Variants in CCDC106 observed in about 807,000 individuals in gnomAD.
CCDC106 encodes the protein coiled-coil domain containing 106, also known as coiled-coil domain-containing protein 106.
Under a neutral mutation model 24.7 loss-of-function variants are expected in CCDC106, and 17 were observed. The ratio of observed to expected loss-of-function variants is 0.69; its 90% CI spans 0.47 to 1.03. CCDC106 has a LOEUF of 1.03. CCDC106 is among the 50% of genes least tolerant of loss of function. The pLI is 0.00. For missense variants in CCDC106, 337 were observed against 388.9 expected, an observed-to-expected ratio of 0.87 and a Z score of 1.12; for synonymous variants, 211 against 161.3, an observed-to-expected ratio of 1.31 and a Z score of -2.34.
intron 3 of CCDC106, among the ~76,000 whole-genome samples, chr19:55,650,652 C>T (rs1330766750): frequency 6.6e-6 from 1 of 152,230 alleles, no homozygotes; most frequent in Non-Finnish European, 1.5e-5. Context: ...TCTGGCTGCC[C>T]TTGGGCCTGC....
rs1983333097 is a variant in CCDC106, at chr19:55,652,107, A to G, written c.527-323A>G. The stretch of plus-strand genomic sequence containing the variant: ...AGACTTGAATAAGTGAATTCACCTG[A>G]GGCAGGGAGACGAGGGTGATGGCTC... On this transcript the variant is annotated intron_variant, in intron 4 of 4. Coordinates refer to ENST00000586790, the MANE Select transcript of CCDC106 (RefSeq NM_001370470.1). The surrounding 1 kb of genome is among the most constrained non-coding windows in gnomAD (Gnocchi z 5.9). 6.6e-6 allele frequency among the ~76,000 whole-genome samples: 1 copy of G among 151,914 alleles called. No individual in the cohort carries two copies. The highest frequency in any genetic ancestry group is 2.1e-4 in the South Asian group (1 of 4,802).
intron 3 of CCDC106, 142 bp from the exon 4 acceptor site, chr19:55,651,141 C>T (rs1983230941): frequency 2.9e-6 from 2 of 691,856 alleles, no homozygotes; most frequent in South Asian, 1.6e-5. Flanking sequence ...AGCGTCTCTA[C>T]CGTACTCCTT....
chr19:55,649,005 C>T lies in CCDC106; in HGVS notation c.-42C>T, dbSNP rs1027612478. The T allele has an allele frequency of 4.4e-6, 7 of 1,606,710 alleles. No homozygotes were observed. The highest frequency in any genetic ancestry group is 2.7e-5 in the African/African-American group (2 of 74,770). ...TGTGGCTGCCGTTTCTGTCCAGTGCCCCTGAGGCCCTCGGCTGCTGGGGTC... is the reference window on the plus strand; with the variant it reads ...TGTGGCTGCCGTTTCTGTCCAGTGCTCCTGAGGCCCTCGGCTGCTGGGGTC... On this transcript the variant is annotated 5_prime_UTR_variant, in exon 1 of 5. Coordinates refer to ENST00000586790, the MANE Select transcript of CCDC106 (RefSeq NM_001370470.1).
Position 55,649,224 on chromosome 19 carries a change from C to T in CCDC106, c.51C>T (p.Phe17=), listed in dbSNP as rs1289851834. Residue 17 remains phenylalanine (F), a synonymous_variant, in exon 2 of 5, where the codon TTC becomes TTT. Transcript: ENST00000586790. The part of the protein sequence containing the change: ...RRRTMKDDET[F]EISIPFDEAP... Reference sequence around the variant, plus strand: ...CTCCAGTGAAGGACGATGAGACCTTCGAGATCTCCATTCCCTTCGATGAGG... The same window carrying T: ...CTCCAGTGAAGGACGATGAGACCTTTGAGATCTCCATTCCCTTCGATGAGG... 3.1e-6 allele frequency: 5 copies of T among 1,613,854 alleles called. No homozygotes were observed. The highest frequency in any genetic ancestry group is 2.7e-5 in the African/African-American group (2 of 74,918).
Position 55,649,013 on chromosome 19 carries a change from C to A in CCDC106, c.-34C>A. The A allele has an allele frequency of 6.2e-7, 1 of 1,610,692 alleles. No individual in the cohort carries two copies. On this transcript the variant is annotated 5_prime_UTR_variant, in exon 1 of 5. Transcript: ENST00000586790. Reference sequence around the variant, plus strand: ...CCGTTTCTGTCCAGTGCCCCTGAGGCCCTCGGCTGCTGGGGTCCGTAGGAA... The same window carrying A: ...CCGTTTCTGTCCAGTGCCCCTGAGGACCTCGGCTGCTGGGGTCCGTAGGAA...
rs748274890 is a variant in CCDC106 at position 55,652,635 on chromosome 19, C to T, written c.732C>T (p.Leu244=). The change falls in exon 5 of 5, where the codon CTC becomes CTT. Residue 244 remains leucine, a synonymous_variant. Transcript: ENST00000586790. The surrounding 1 kb of genome is among the most constrained non-coding windows in gnomAD (Gnocchi z 5.9). ...TCGACCCCTCCAAGGAGCGCCTGCTCGAGTACTCCCGCCGCTGCTTTCTGG... is the reference window on the plus strand; with the variant it reads ...TCGACCCCTCCAAGGAGCGCCTGCTTGAGTACTCCCGCCGCTGCTTTCTGG... ...GEFDPSKERL[L]EYSRRCFLAL... is the part of the protein sequence containing the mutation. 27 of 1,612,790 alleles carry T rather than the reference C, an allele frequency of 1.7e-5. No individual in the cohort carries two copies. Among genetic ancestry groups the T allele is most frequent in the South Asian group, 2.2e-5 (2 of 91,066 alleles).
intron 3 of CCDC106, among the ~76,000 whole-genome samples, chr19:55,650,478 T>C (rs1400675510): frequency 6.6e-6 from 1 of 152,140 alleles, no homozygotes; most frequent in Non-Finnish European, 1.5e-5. Context: ...CCTTGCTAGC[T>C]CCTTGGCTGG....
Position 55,649,755 on chromosome 19 carries a change from G to T in CCDC106, c.313+171G>T, listed in dbSNP as rs115394234. ...CCCAGGCCCAGCTGCCTCCTCACTT[G>T]ATTCCAGGGCCTCATCCCCATGAAC... On this transcript the variant is annotated intron_variant, in intron 3 of 4. Transcript: ENST00000586790. The T allele has an allele frequency of 3.4e-4, 212 of 621,464 alleles. 2 individuals are homozygous for T. The highest frequency in any genetic ancestry group is 5.8e-4 in the Non-Finnish European group (204 of 354,378). 38.5% of individuals were successfully genotyped at this position (621,464 alleles called of 1,614,324 possible). A position where few individuals can be genotyped will look rare whatever the true frequency, so the allele number is the denominator to read the frequency against.
chr19:55,648,787 C>A lies in CCDC106; in HGVS notation c.-260C>A. On this transcript the variant is annotated 5_prime_UTR_variant, in exon 1 of 5. Coordinates refer to ENST00000586790, the MANE Select transcript of CCDC106 (RefSeq NM_001370470.1). ...CCACGTCCCCAGCTCACTTCTCCCC[C>A]AGGACCTAGGCGGCTGGGCCCCCTG... 1 of 574,410 alleles carries A rather than the reference C, an allele frequency of 1.7e-6. No homozygotes were observed. 35.6% of individuals were successfully genotyped at this position (574,410 alleles called of 1,614,324 possible).
chr19:55,651,261 G>C lies in CCDC106; in HGVS notation c.314-22G>C, dbSNP rs534270066. Reference sequence around the variant, plus strand: ...TGGGATGTCTGGTCCCTTGGTTCATGTGTGTGTCTCCATCTCCCCAGAGGA... The same window carrying C: ...TGGGATGTCTGGTCCCTTGGTTCATCTGTGTGTCTCCATCTCCCCAGAGGA... On this transcript the variant is annotated intron_variant, in intron 3 of 4. Transcript: ENST00000586790. 9 of 1,567,660 alleles carry C rather than the reference G, an allele frequency of 5.7e-6. No individual in the cohort carries two copies. In the African/African-American group the frequency reaches 6.7e-5, roughly 12 times the overall value.
Position 55,652,408 on chromosome 19 carries a change from T to C in CCDC106, c.527-22T>C. The C allele has an allele frequency of 6.4e-7, 1 of 1,569,428 alleles. No homozygotes were observed. The highest frequency in any genetic ancestry group is 8.7e-7 in the Non-Finnish European group (1 of 1,153,496). ...TCTTGTGCCCTGCCCCTCACTTTCG[T>C]GTCCCCGCCTCCACCCCTCAGTGAA... On this transcript the variant is annotated intron_variant, in intron 4 of 4. Transcript: ENST00000586790. This position sits in a 1 kb window ranked among gnomAD's most constrained non-coding sequence, Gnocchi z 5.9.
rs568364976 is a variant in CCDC106, at chr19:55,651,242, G to A, written c.314-41G>A. 10 of 1,458,468 alleles carry A rather than the reference G, an allele frequency of 6.9e-6. No homozygotes were observed. In the African/African-American group the frequency reaches 1.1e-4, roughly 16 times the overall value. 90.3% of individuals were successfully genotyped at this position (1,458,468 alleles called of 1,614,324 possible). A position where few individuals can be genotyped will look rare whatever the true frequency, so the allele number is the denominator to read the frequency against. On this transcript the variant is annotated intron_variant, in intron 3 of 4. Transcript: ENST00000586790. Reference sequence around the variant, plus strand: ...TCAGTCCCGGGACCTGTGATGGGATGTCTGGTCCCTTGGTTCATGTGTGTG... The same window carrying A: ...TCAGTCCCGGGACCTGTGATGGGATATCTGGTCCCTTGGTTCATGTGTGTG...
intron 3 of CCDC106, 58 bp from the exon 4 acceptor site, chr19:55,651,225 G>C: frequency 1.5e-6 from 2 of 1,338,758 alleles, no homozygotes; most frequent in South Asian, 2.3e-5. Context: ...TCTCAGTCCC[G>C]GGACCTGTGA....
intron 4 of CCDC106, 69 bp downstream of exon 4, chr19:55,651,564 G>A (rs1983279832): frequency 2.7e-6 from 3 of 1,125,378 alleles, no homozygotes; most frequent in Middle Eastern, 3.0e-4. Context: ...CCTTCCCAGA[G>A]GTCCCCCTTT....
chr19:55,651,216 C>G, intron 3 of CCDC106, 67 bp from the exon 4 acceptor site: 1 of 1,246,762 alleles, frequency 8.0e-7, no homozygotes, highest in East Asian at 2.3e-5. Context: ...TGCAGCCTCT[C>G]TCAGTCCCGG....
In CCDC106 at chr19:55,652,829, C is replaced by G. The variant is rs1983420432; in HGVS notation, c.*83C>G. On this transcript the variant is annotated 3_prime_UTR_variant, in exon 5 of 5. Transcript: ENST00000586790. This position sits in a 1 kb window ranked among gnomAD's most constrained non-coding sequence, Gnocchi z 5.9. ...TGACCTGCCCCTCTCCCCGCCGCGC[C>G]CCTGCCCCTCCTCCTCGCTCCCTGG... is the stretch of plus-strand genomic sequence containing the variant. The G allele has an allele frequency of 2.0e-5, 24 of 1,199,196 alleles. No individual in the cohort carries two copies. The highest frequency in any genetic ancestry group is 2.0e-5 in the Non-Finnish European group (17 of 861,700). 74.3% of individuals were successfully genotyped at this position (1,199,196 alleles called of 1,614,324 possible). A position where few individuals can be genotyped will look rare whatever the true frequency, so the allele number is the denominator to read the frequency against.
chr19:55,649,611 T>C (rs770687512), intron 3 of CCDC106, 27 bp downstream of exon 3: 2 of 1,602,078 alleles, frequency 1.2e-6, no homozygotes, highest in Admixed American at 1.7e-5. Flanking sequence ...CTGATCCACA[T>C]GCCTCCCTGT....
Position 55,652,929 on chromosome 19 carries a change from A to T in CCDC106, c.*183A>T, listed in dbSNP as rs1363702512. 5 of 577,896 alleles carry T rather than the reference A, an allele frequency of 8.7e-6. No individual in the cohort carries two copies. The highest frequency in any genetic ancestry group is 1.5e-5 in the Non-Finnish European group (5 of 329,936). The allele number at this position is 577,896 out of a possible 1,614,324, so 35.8% of individuals were successfully genotyped here. On this transcript the variant is annotated 3_prime_UTR_variant, in exon 5 of 5. Coordinates refer to ENST00000586790, the MANE Select transcript of CCDC106 (RefSeq NM_001370470.1). This position sits in a 1 kb window ranked among gnomAD's most constrained non-coding sequence, Gnocchi z 5.9. Reference sequence around the variant, plus strand: ...CCGCGGCCCCTTCCCGAACGCCGGCACCCCCTTCCGCTTGGGCTGCCCAGC... The same window carrying T: ...CCGCGGCCCCTTCCCGAACGCCGGCTCCCCCTTCCGCTTGGGCTGCCCAGC...
At position 55,652,608 on chromosome 19, in the gene CCDC106, G is replaced by T. The variant is rs994175857; in HGVS notation, c.705G>T (p.Glu235Asp). 6.2e-7 allele frequency: 1 copy of T among 1,613,054 alleles called. No individual in the cohort carries two copies. Among genetic ancestry groups the T allele is most frequent in the Non-Finnish European group, 8.5e-7 (1 of 1,179,890 alleles). ...VAPEKLAEVG[E>D]FDPSKERLLE... Reference sequence around the variant, plus strand: ...CCGAGAAGCTGGCCGAGGTGGGCGAGTTCGACCCCTCCAAGGAGCGCCTGC... The same window carrying T: ...CCGAGAAGCTGGCCGAGGTGGGCGATTTCGACCCCTCCAAGGAGCGCCTGC... Residue 235 changes from glutamate (E) to aspartate (D), a missense_variant, in exon 5 of 5, where the codon GAG becomes GAT. Transcript: ENST00000586790. The surrounding 1 kb of genome is among the most constrained non-coding windows in gnomAD (Gnocchi z 5.9).
Sources: allele counts gnomAD v4.1 joint callset (sites outside exome capture counted in the v4.1 genomes callset), GRCh38; gene constraint gnomAD v4.1.1; non-coding constraint Gnocchi (gnomAD v3.1); transcripts MANE v1.5; gene names NCBI Gene and HGNC (gene_info 2026-07-23, HGNC 2026-07-21).